SLC5A4: variants seen among roughly 807,000 people sequenced by gnomAD.
SLC5A4 encodes probable glucose sensor protein SLC5A4.
In SLC5A4, 55 loss-of-function variants were observed where a neutral mutation model predicts 70.3. The ratio of observed to expected loss-of-function variants is 0.78; its 90% CI spans 0.63 to 0.98. SLC5A4 has a LOEUF of 0.98. SLC5A4 is among the 50% of genes least tolerant of loss of function. SLC5A4 has a pLI of 0.00. For synonymous variants in SLC5A4, 268 were observed against 305.7 expected, an observed-to-expected ratio of 0.88 and a Z score of 1.29; for missense variants, 735 against 839.2, an observed-to-expected ratio of 0.88 and a Z score of 1.53.
At chr22:32,277,535 G>A in the SLC5A4 span, among the ~76,000 whole-genome samples, 6 of 152,056 alleles carry the variant, frequency 3.9e-5, no homozygotes, top group East Asian at 7.7e-4. Flanking sequence ...ATAGATTTCC[G>A]GTTTTATGTA....
chr22:32,312,592 G>A, the SLC5A4 span, among the ~76,000 whole-genome samples: 143 of 152,108 alleles, frequency 9.4e-4, no homozygotes, highest in African/African-American at 2.9e-3. Flanking sequence ...CAGGACTATC[G>A]CTTGTGGACA....
Position 32,254,703 on chromosome 22 carries a change from C to T in SLC5A4, c.136-490G>A, listed in dbSNP as rs190778540. ...CCTGTAGTCCCAGCTACTTGGGAGG[C>T]TGAGGCAGGAGAATGGCGTGAACCC... is the stretch of plus-strand genomic sequence containing the variant. On this transcript the variant is annotated intron_variant, in intron 1 of 14. Coordinates refer to ENST00000266086, the MANE Select transcript of SLC5A4 (RefSeq NM_014227.3). Among the ~76,000 whole-genome samples the T allele has an allele frequency of 5.2e-3, 796 of 152,048 alleles. 9 individuals are homozygous for T. Among genetic ancestry groups the T allele is most frequent in the African/African-American group, 0.019 (772 of 41,480 alleles).
the SLC5A4 span, among the ~76,000 whole-genome samples, chr22:32,274,978 G>C: frequency 6.6e-6 from 1 of 152,152 alleles, no homozygotes; most frequent in African/African-American, 2.4e-5. Context: ...TCTCTAGTCA[G>C]TCTTCATATC....
At chr22:32,288,732 G>T in the SLC5A4 span, among the ~76,000 whole-genome samples, 1 of 152,124 alleles carries the variant, frequency 6.6e-6, no homozygotes, top group East Asian at 1.9e-4. Context: ...TTTTAGTAGA[G>T]ACAGGGTTTC....
the SLC5A4 span, among the ~76,000 whole-genome samples, chr22:32,333,206 C>CCCCA: frequency 1.1e-4 from 17 of 150,502 alleles, no homozygotes; most frequent in South Asian, 8.5e-4. Flanking sequence ...ACCCCCCCCC[C>CCCCA]AGAAGACTCA....
At chr22:32,309,155 A>G in the SLC5A4 span, among the ~76,000 whole-genome samples, 6 of 131,336 alleles carry the variant, frequency 4.6e-5, no homozygotes, top group African/African-American at 1.5e-4. Context: ...AGAGGCTAAC[A>G]TGAGGGCAGC....
chr22:32,295,429 T>G, the SLC5A4 span, among the ~76,000 whole-genome samples: 1 of 111,848 alleles, frequency 8.9e-6, no homozygotes, highest in African/African-American at 3.3e-5. Context: ...TGATGAGCAT[T>G]TTTTCATGTT....
At chr22:32,228,335 G>A (rs572046372) in intron 11 of SLC5A4, among the ~76,000 whole-genome samples, 1 of 151,944 alleles carries the variant, frequency 6.6e-6, no homozygotes, top group African/African-American at 2.4e-5. Context: ...AAGGTCAGGA[G>A]TTTGAGACCA....
chr22:32,344,145 G>T, the SLC5A4 span, among the ~76,000 whole-genome samples: 4 of 152,266 alleles, frequency 2.6e-5, no homozygotes, highest in East Asian at 7.7e-4. Context: ...AGGAAGAAAA[G>T]ACATCGCTGG....
At chr22:32,314,133 C>T in the SLC5A4 span, among the ~76,000 whole-genome samples, 1 of 152,312 alleles carries the variant, frequency 6.6e-6, no homozygotes, top group African/African-American at 2.4e-5. Flanking sequence ...CCACTCTTTG[C>T]ATCAGTGGGA....
At position 32,255,119 on chromosome 22, in the gene SLC5A4, C is replaced by T. The variant is rs552605047; in HGVS notation, c.135+76G>A. On this transcript the variant is annotated intron_variant, in intron 1 of 14. Coordinates refer to ENST00000266086, the MANE Select transcript of SLC5A4 (RefSeq NM_014227.3). Reference sequence around the variant, plus strand: ...ACATTTGTGAAAAGCTTTGTCACAACCACACCCCTTCCCCCCTTAAGATAC... The same window carrying T: ...ACATTTGTGAAAAGCTTTGTCACAATCACACCCCTTCCCCCCTTAAGATAC... The T allele has an allele frequency of 8.8e-5, 122 of 1,386,998 alleles. 1 individual carries two copies. In the Admixed American group the frequency reaches 2.1e-3, roughly 24 times the overall value. 85.9% of individuals were successfully genotyped at this position (1,386,998 alleles called of 1,614,324 possible).
the SLC5A4 span, among the ~76,000 whole-genome samples, chr22:32,305,680 G>T: frequency 6.7e-6 from 1 of 149,648 alleles, no homozygotes; most frequent in Non-Finnish European, 1.5e-5. Context: ...AGGGACACAC[G>T]GTCCCAGTGT....
At chr22:32,270,345 G>A in the SLC5A4 span, 14 of 1,137,542 alleles carry the variant, frequency 1.2e-5, no homozygotes, top group East Asian at 4.7e-5. Flanking sequence ...GGGCTCTGTC[G>A]GTGCTGCAGA....
At chr22:32,330,966 G>A in the SLC5A4 span, among the ~76,000 whole-genome samples, 2 of 6,098 alleles carry the variant, frequency 3.3e-4, no homozygotes, top group Middle Eastern at 0.056. Context: ...GTGTGTGTTG[G>A]GGGCACTGGT....
chr22:32,239,074 C>T lies in SLC5A4; in HGVS notation c.494G>A (p.Gly165Glu). 6.2e-7 allele frequency: 1 copy of T among 1,613,388 alleles called. No homozygotes were observed. Among genetic ancestry groups the T allele is most frequent in the Non-Finnish European group, 8.5e-7 (1 of 1,179,450 alleles). The change falls in exon 6 of 15, where the codon GGA becomes GAA. Residue 165 changes from glycine (G) to glutamate (E), a missense_variant. Coordinates refer to ENST00000266086, the MANE Select transcript of SLC5A4 (RefSeq NM_014227.3). ...VLLISADIFA[G>E]AIFIKLALGL... ...CAAGGCCAGCTTGATGAATATGGCT[C>T]CAGCAAATATGTCTGCCTAAAAAGG...
chr22:32,269,170 C>T, the SLC5A4 span, among the ~76,000 whole-genome samples: 3 of 152,286 alleles, frequency 2.0e-5, no homozygotes, highest in Non-Finnish European at 4.4e-5. The surrounding 1 kb of genome is among the most constrained non-coding windows in gnomAD (Gnocchi z 4.1). Flanking sequence ...GGATTACAGG[C>T]GTGAGCCACC....
chr22:32,227,131 T>C (rs2123877991), intron 11 of SLC5A4, among the ~76,000 whole-genome samples: 1 of 152,340 alleles, frequency 6.6e-6, no homozygotes, highest in African/African-American at 2.4e-5. Context: ...AAGGCATATA[T>C]TCCACAAGGC....
intron 11 of SLC5A4, among the ~76,000 whole-genome samples, chr22:32,226,247 A>G (rs540201160): frequency 6.6e-6 from 1 of 152,326 alleles, no homozygotes; most frequent in Non-Finnish European, 1.5e-5. Context: ...CATAGGTTAG[A>G]ATGGAAACAG....
At chr22:32,318,146 G>A in the SLC5A4 span, among the ~76,000 whole-genome samples, 4 of 151,568 alleles carry the variant, frequency 2.6e-5, no homozygotes, top group African/African-American at 9.7e-5. Flanking sequence ...TTGTTGGTCC[G>A]TCCACATCTT....
Sources: gnomAD v4.1 joint callset for allele counts (sites outside exome capture counted in the v4.1 genomes callset) on GRCh38, gnomAD v4.1.1 for gene constraint, Gnocchi (gnomAD v3.1) non-coding constraint, MANE v1.5 for transcripts, NCBI Gene and HGNC (gene_info 2026-07-23, HGNC 2026-07-21) for gene names.